Variants in SLC71A2 observed in about 807,000 individuals in gnomAD.
The protein encoded by SLC71A2 is solute carrier family 71 member 2.
At chr9:94,382,152 G>A in the SLC71A2 span, among the ~76,000 whole-genome samples, 1 of 151,592 alleles carries the variant, frequency 6.6e-6, no homozygotes, top group Non-Finnish European at 1.5e-5. Context: ...TCAGCCTCTC[G>A]AGTAACTGGG....
At chr9:94,426,495 ATCTGT>A in the SLC71A2 span, among the ~76,000 whole-genome samples, 1 of 151,682 alleles carries the variant, frequency 6.6e-6, no homozygotes, top group Non-Finnish European at 1.5e-5. Context: ...GTCTTTTCTC[ATCTGT>A]TCTGTATCAT....
the SLC71A2 span, among the ~76,000 whole-genome samples, chr9:94,375,553 G>T: frequency 3.3e-5 from 5 of 152,280 alleles, no homozygotes; most frequent in African/African-American, 1.2e-4. Context: ...GTCTGTGTCA[G>T]TGGTTTCATA....
At chr9:94,435,445 T>TC in the SLC71A2 span, among the ~76,000 whole-genome samples, 6 of 152,280 alleles carry the variant, frequency 3.9e-5, no homozygotes, top group South Asian at 1.0e-3. Flanking sequence ...ATGCCTTTTT[T>TC]CCCCAGTGTT....
the SLC71A2 span, among the ~76,000 whole-genome samples, chr9:94,406,020 A>G: frequency 6.8e-6 from 1 of 147,216 alleles, no homozygotes; most frequent in African/African-American, 2.5e-5. Context: ...TCTTCGTTAC[A>G]TTTATTCCTA....
At chr9:94,459,449 T>C in the SLC71A2 span, 7 of 1,608,702 alleles carry the variant, frequency 4.4e-6, no homozygotes, top group Non-Finnish European at 5.9e-6. Flanking sequence ...ACGCCATCTC[T>C]GAGAGCCATG....
At chr9:94,436,516 ATAT>A in the SLC71A2 span, among the ~76,000 whole-genome samples, 1 of 152,206 alleles carries the variant, frequency 6.6e-6, no homozygotes, top group Admixed American at 6.5e-5. Flanking sequence ...AGCTTCTTTT[ATAT>A]AAAGTATTAA....
the SLC71A2 span, among the ~76,000 whole-genome samples, chr9:94,428,721 T>C: frequency 7.2e-5 from 11 of 151,770 alleles, no homozygotes; most frequent in Non-Finnish European, 1.5e-4. Flanking sequence ...CTTGGTATTC[T>C]ATATGCTGAG....
the SLC71A2 span, among the ~76,000 whole-genome samples, chr9:94,426,120 A>G: frequency 6.8e-6 from 1 of 147,612 alleles, no homozygotes; most frequent in Non-Finnish European, 1.5e-5. Context: ...GTACTGAAGT[A>G]CTCTATAGGA....
At chr9:94,441,223 G>T in the SLC71A2 span, 1 of 459,456 alleles carries the variant, frequency 2.2e-6, no homozygotes. Flanking sequence ...CTGAGACTGG[G>T]TAATTTATAA....
chr9:94,378,343 G>C, the SLC71A2 span, among the ~76,000 whole-genome samples: 3 of 152,046 alleles, frequency 2.0e-5, no homozygotes, highest in Non-Finnish European at 4.4e-5. Context: ...GAGGGAGCAA[G>C]AGAGAGAGGG....
At chr9:94,458,419 G>A in the SLC71A2 span, 1 of 1,614,072 alleles carries the variant, frequency 6.2e-7, no homozygotes, top group Non-Finnish European at 8.5e-7. Context: ...ATGTGGAACT[G>A]ACTGAGTTGG....
chr9:94,416,269 A>G, the SLC71A2 span, among the ~76,000 whole-genome samples: 1 of 152,184 alleles, frequency 6.6e-6, no homozygotes, highest in African/African-American at 2.4e-5. Context: ...AGGCCCAGCT[A>G]TTCAGTAAGC....
the SLC71A2 span, among the ~76,000 whole-genome samples, chr9:94,382,302 C>G: frequency 0.067 from 10,209 of 152,038 alleles, 471 homozygotes; most frequent in Non-Finnish European, 0.11. Context: ...GCTGGGATTA[C>G]AGGTGTGAGC....
At chr9:94,441,047 C>T in the SLC71A2 span, 2 of 1,610,704 alleles carry the variant, frequency 1.2e-6, no homozygotes, top group South Asian at 1.1e-5. Context: ...GTTATATTTG[C>T]CTATGTAGCT....
the SLC71A2 span, among the ~76,000 whole-genome samples, chr9:94,447,969 C>T: frequency 3.3e-5 from 5 of 152,128 alleles, no homozygotes; most frequent in Non-Finnish European, 7.4e-5. Flanking sequence ...TCTTTCATGG[C>T]TTGATAGCTC....
the SLC71A2 span, among the ~76,000 whole-genome samples, chr9:94,419,628 C>T: frequency 6.6e-6 from 1 of 152,024 alleles, no homozygotes; most frequent in African/African-American, 2.4e-5. Context: ...TTAGAGATGG[C>T]GTCTTGCTAT....
At chr9:94,440,625 T>G in the SLC71A2 span, among the ~76,000 whole-genome samples, 1 of 152,072 alleles carries the variant, frequency 6.6e-6, no homozygotes, top group African/African-American at 2.4e-5. Flanking sequence ...GTAGATCTTT[T>G]CAAATCATTT....
the SLC71A2 span, chr9:94,459,494 G>A: frequency 4.0e-6 from 6 of 1,489,630 alleles, no homozygotes; most frequent in South Asian, 3.7e-5. Flanking sequence ...TCATGGTGCT[G>A]GATGGGAGAC....
At chr9:94,396,918 G>A in the SLC71A2 span, among the ~76,000 whole-genome samples, 1 of 152,154 alleles carries the variant, frequency 6.6e-6, no homozygotes, top group East Asian at 1.9e-4. Context: ...TTACAGGCAT[G>A]CGCCGCCACA....
Sources: allele counts gnomAD v4.1 joint callset (sites outside exome capture counted in the v4.1 genomes callset), GRCh38; gene constraint gnomAD v4.1.1; transcripts MANE v1.5; gene names NCBI Gene and HGNC (gene_info 2026-07-23, HGNC 2026-07-21).